Variants in ZNF385B observed in about 807,000 individuals in gnomAD.
The protein encoded by ZNF385B is zinc finger protein 385B.
A neutral mutation model predicts 39.2 loss-of-function variants in ZNF385B; 23 were observed. The observed-to-expected ratio is 0.59, with a 90% CI of 0.42 to 0.83. The LOEUF is 0.83. ZNF385B is among the 40% of genes least tolerant of loss of function. The pLI is 0.00. For synonymous variants in ZNF385B, 205 were observed against 222.6 expected, an observed-to-expected ratio of 0.92 and a Z score of 0.70; for missense variants, 552 against 598.9, an observed-to-expected ratio of 0.92 and a Z score of 0.82.
At chr2:179,579,577 A>G (rs1459534570) in intron 3 of ZNF385B, among the ~76,000 whole-genome samples, 8 of 152,132 alleles carry the variant, frequency 5.3e-5, no homozygotes, top group Admixed American at 5.2e-4. Context: ...AATGTTGATC[A>G]TTAAGATGCT....
intron 3 of ZNF385B, among the ~76,000 whole-genome samples, chr2:179,728,523 G>C (rs755169802): frequency 6.6e-6 from 1 of 152,120 alleles, no homozygotes; most frequent in Non-Finnish European, 1.5e-5. Context: ...ATATGGAAGA[G>C]AGCAGTGAGT....
At chr2:179,507,920 C>T (rs1245771716) in intron 5 of ZNF385B, among the ~76,000 whole-genome samples, 1 of 152,150 alleles carries the variant, frequency 6.6e-6, no homozygotes, top group African/African-American at 2.4e-5. Flanking sequence ...AAAAACTGCT[C>T]TTTATGCTGA....
chr2:179,764,405 C>T (rs1197408392), intron 3 of ZNF385B, among the ~76,000 whole-genome samples: 4 of 150,976 alleles, frequency 2.6e-5, no homozygotes, highest in Non-Finnish European at 5.9e-5. Context: ...TGCATTTTTT[C>T]TTTTGATTGG....
intron 5 of ZNF385B, among the ~76,000 whole-genome samples, chr2:179,502,103 C>A (rs1424282188): frequency 6.6e-6 from 1 of 152,176 alleles, no homozygotes; most frequent in African/African-American, 2.4e-5. Flanking sequence ...TGGCCAATTT[C>A]TCCATTTTGG....
chr2:179,451,830 T>A (rs2050186117), intron 6 of ZNF385B, among the ~76,000 whole-genome samples: 4 of 152,146 alleles, frequency 2.6e-5, no homozygotes. Context: ...TTGATATTTT[T>A]ATGAAAATCC....
chr2:179,823,145 G>A (rs1707498065), intron 1 of ZNF385B, among the ~76,000 whole-genome samples: 1 of 152,142 alleles, frequency 6.6e-6, no homozygotes, highest in African/African-American at 2.4e-5. Flanking sequence ...GATTCCATGA[G>A]TGAGATAAAG....
Position 179,442,760 on chromosome 2 carries a change from T to C in ZNF385B, c.*490A>G. ...ACTTTGTGATCCGTTGGTAAGATAG[T>C]ATCCACAAGTAAGCACTTGTGTTCA... is the stretch of plus-strand genomic sequence containing the variant. On this transcript the variant is annotated 3_prime_UTR_variant, in exon 10 of 10. Transcript: ENST00000410066. 4.8e-6 allele frequency: 1 copy of C among 208,980 alleles called. No individual in the cohort carries two copies. The highest frequency in any genetic ancestry group is 9.8e-6 in the Non-Finnish European group (1 of 102,540). 12.9% of individuals were successfully genotyped at this position (208,980 alleles called of 1,614,324 possible). A position where few individuals can be genotyped will look rare whatever the true frequency, so the allele number is the denominator to read the frequency against.
intron 3 of ZNF385B, among the ~76,000 whole-genome samples, chr2:179,713,868 T>A (rs1442090707): frequency 6.6e-6 from 1 of 152,210 alleles, no homozygotes; most frequent in African/African-American, 2.4e-5. Context: ...AGTGTAAGAA[T>A]TTTCTTGTAA....
At chr2:179,493,437 GTATATGCATGTGTACATGTGTGTACA>G (rs2055485443) in intron 5 of ZNF385B, among the ~76,000 whole-genome samples, 1 of 150,634 alleles carries the variant, frequency 6.6e-6, no homozygotes, top group African/African-American at 2.4e-5. Flanking sequence ...ATATATGTAC[GTATATGCATGTGTACATGTGTGTACA>G]TATATGCATG....
chr2:179,803,502 G>T (rs954896373), intron 1 of ZNF385B, among the ~76,000 whole-genome samples: 3 of 152,064 alleles, frequency 2.0e-5, no homozygotes, highest in Non-Finnish European at 4.4e-5. Flanking sequence ...TTATTTTAAA[G>T]ACTCAAATAA....
At chr2:179,586,432 A>G (rs1286411086) in intron 3 of ZNF385B, among the ~76,000 whole-genome samples, 1 of 152,200 alleles carries the variant, frequency 6.6e-6, no homozygotes, top group Non-Finnish European at 1.5e-5. Context: ...TGTTTAAAGG[A>G]ATTTAGTCTA....
At chr2:179,841,381 G>A (rs1708526961) in intron 1 of ZNF385B, among the ~76,000 whole-genome samples, 1 of 152,222 alleles carries the variant, frequency 6.6e-6, no homozygotes, top group African/African-American at 2.4e-5. Flanking sequence ...CCTGATGGAG[G>A]AAAAGGAATC....
chr2:179,553,376 T>A (rs1357671940), intron 3 of ZNF385B, among the ~76,000 whole-genome samples: 4 of 149,100 alleles, frequency 2.7e-5, no homozygotes, highest in African/African-American at 1.0e-4. Context: ...GTGCTAGCAA[T>A]GACAGGGATT....
intron 1 of ZNF385B, among the ~76,000 whole-genome samples, chr2:179,827,169 GC>G (rs1050772320): frequency 5.3e-5 from 8 of 152,324 alleles, no homozygotes; most frequent in African/African-American, 1.9e-4. Flanking sequence ...TGATAGGCAT[GC>G]AGGGGAGAAG....
intron 3 of ZNF385B, chr2:179,562,497 G>T (rs1684034166): frequency 1.0e-6 from 1 of 985,210 alleles, no homozygotes; most frequent in African/African-American, 1.7e-5. Context: ...TCAACCTGGT[G>T]CTCCCGTGAA....
intron 4 of ZNF385B, among the ~76,000 whole-genome samples, chr2:179,527,806 T>C (rs190526448): frequency 6.6e-6 from 1 of 152,288 alleles, no homozygotes; most frequent in East Asian, 1.9e-4. Context: ...GTACCTATCA[T>C]ACATTGTTTT....
intron 4 of ZNF385B, among the ~76,000 whole-genome samples, chr2:179,536,872 A>G (rs981386602): frequency 6.6e-6 from 1 of 152,224 alleles, no homozygotes; most frequent in Non-Finnish European, 1.5e-5. Context: ...TACCATATAA[A>G]TAACATCTGC....
chr2:179,540,118 G>T (rs1416701840), intron 4 of ZNF385B, among the ~76,000 whole-genome samples: 1 of 152,148 alleles, frequency 6.6e-6, no homozygotes, highest in Non-Finnish European at 1.5e-5. Flanking sequence ...ATAGCTGGAA[G>T]ACAGTTTATA....
In ZNF385B at chr2:179,442,431, A is replaced by G. The variant is rs970004248; in HGVS notation, c.*819T>C. On this transcript the variant is annotated 3_prime_UTR_variant, in exon 10 of 10. Transcript: ENST00000410066. ...ATACGTTTGCTTAGCAACACAAACC[A>G]GTGAGGAAGCTACAAAATAAGTTAA... 6.5e-6 allele frequency: 1 copy of G among 152,698 alleles called. No individual in the cohort carries two copies. The highest frequency in any genetic ancestry group is 1.5e-5 in the Non-Finnish European group (1 of 68,038). The allele number at this position is 152,698 out of a possible 1,614,324, so 9.5% of individuals were successfully genotyped here.
Sources: allele counts gnomAD v4.1 joint callset (sites outside exome capture counted in the v4.1 genomes callset), GRCh38; gene constraint gnomAD v4.1.1; transcripts MANE v1.5; gene names NCBI Gene and HGNC (gene_info 2026-07-23, HGNC 2026-07-21).